The following STARD13 variants were observed in gnomAD, a reference collection of about 807,000 sequenced individuals.
The protein encoded by STARD13 is StAR related lipid transfer domain containing 13.
Under a neutral mutation model 106.4 loss-of-function variants are expected in STARD13, and 62 were observed. The observed-to-expected ratio is 0.58, with a 90% confidence interval of 0.48 to 0.72. STARD13 has a LOEUF of 0.72. STARD13 is among the 30% of genes least tolerant of loss of function. STARD13 has a pLI of 0.00. For synonymous variants in STARD13, 565 were observed against 553.0 expected (o/e 1.02, Z -0.31); for missense variants, 1,387 against 1,424.0 (o/e 0.97, Z 0.42).
At chr13:33,646,443 A>G in the STARD13 span, among the ~76,000 whole-genome samples, 5 of 152,354 alleles carry the variant, frequency 3.3e-5, no homozygotes, top group East Asian at 9.6e-4. Flanking sequence ...GTATAGAGGA[A>G]TACAAGGACT....
At chr13:33,191,062 G>GGTACAA (rs1886224557) in intron 1 of STARD13, among the ~76,000 whole-genome samples, 1 of 152,102 alleles carries the variant, frequency 6.6e-6, no homozygotes, top group African/African-American at 2.4e-5. Flanking sequence ...CAATTTACAA[G>GGTACAA]GTATGTTTAT....
chr13:33,510,009 C>T, the STARD13 span, among the ~76,000 whole-genome samples: 2 of 152,180 alleles, frequency 1.3e-5, no homozygotes, highest in African/African-American at 4.8e-5. Context: ...AGAGTCCTTG[C>T]TCTCTTTGCC....
chr13:33,633,369 C>G, the STARD13 span, among the ~76,000 whole-genome samples: 1 of 152,180 alleles, frequency 6.6e-6, no homozygotes, highest in Non-Finnish European at 1.5e-5. Context: ...GCCTTAGTCA[C>G]AAGATTGACT....
At chr13:33,350,970 T>C (rs1251338595), upstream of STARD13, among the ~76,000 whole-genome samples, 1 of 152,070 alleles carries the variant, frequency 6.6e-6, no homozygotes, top group Non-Finnish European at 1.5e-5. Context: ...CAAAAATTTA[T>C]ATATGCCACA....
chr13:33,607,313 T>G, the STARD13 span, among the ~76,000 whole-genome samples: 5 of 151,932 alleles, frequency 3.3e-5, no homozygotes, highest in South Asian at 6.2e-4. Flanking sequence ...TTTTTTTTTT[T>G]TTGAGACAGA....
the STARD13 span, among the ~76,000 whole-genome samples, chr13:33,664,355 G>C: frequency 6.6e-6 from 1 of 152,198 alleles, no homozygotes; most frequent in African/African-American, 2.4e-5. Context: ...GTCACAGCTT[G>C]ACAGAATACA....
At chr13:33,161,538 C>T (rs1164164491) in intron 3 of STARD13, among the ~76,000 whole-genome samples, 1 of 152,086 alleles carries the variant, frequency 6.6e-6, no homozygotes, top group Admixed American at 6.6e-5. Flanking sequence ...TGGTCTCAAA[C>T]TCCTGGGCCC....
chr13:33,229,979 C>T (rs183655230), intron 1 of STARD13, among the ~76,000 whole-genome samples: 1 of 152,324 alleles, frequency 6.6e-6, no homozygotes, highest in East Asian at 1.9e-4. Flanking sequence ...CCTAGTGAAT[C>T]CCACAGCTGT....
At chr13:33,488,283 C>A in the STARD13 span, among the ~76,000 whole-genome samples, 1 of 152,306 alleles carries the variant, frequency 6.6e-6, no homozygotes, top group East Asian at 1.9e-4. Flanking sequence ...AGAGGTCTAC[C>A]ATGCCTCAGC....
chr13:33,301,558 CTTTTTTT>C, intron 1 of STARD13, among the ~76,000 whole-genome samples: 1 of 13,048 alleles, frequency 7.7e-5, no homozygotes, highest in Admixed American at 1.5e-3. Flanking sequence ...GTTTCTTTTT[CTTTTTTT>C]TTCTTTTTTT....
intron 1 of STARD13, among the ~76,000 whole-genome samples, chr13:33,224,389 G>GCTCA (rs911972894): frequency 6.3e-5 from 6 of 95,330 alleles, no homozygotes; most frequent in African/African-American, 1.6e-4. Flanking sequence ...GTAACAAATA[G>GCTCA]CTCCCAAGTC....
In STARD13 at chr13:33,304,782, T is replaced by A. The variant is rs535096413; in HGVS notation, c.124+45508A>T. ...TGTTTTACTTCTCTTTAACTCTTTA[T>A]TTTCCATCATAGTTATTTGTTTACT... On this transcript the variant is annotated intron_variant, in intron 1 of 5. Transcript: ENST00000567873. Among the ~76,000 whole-genome samples, 4 of 152,314 alleles carry A rather than the reference T, an allele frequency of 2.6e-5. No individual in the cohort carries two copies. The East Asian group carries it at 7.7e-4, about 29-fold the overall frequency.
chr13:33,152,257 T>G (rs1269117469), intron 3 of STARD13, among the ~76,000 whole-genome samples: 2 of 152,126 alleles, frequency 1.3e-5, no homozygotes, highest in Admixed American at 1.3e-4. Context: ...AACAACTAGC[T>G]GAAGATGGTG....
chr13:33,451,853 G>A, the STARD13 span, among the ~76,000 whole-genome samples: 2 of 152,122 alleles, frequency 1.3e-5, no homozygotes, highest in Non-Finnish European at 2.9e-5. Context: ...TTAATCAGCA[G>A]GAATAGGTTA....
chr13:33,168,889 C>T (rs903263792), intron 1 of STARD13, among the ~76,000 whole-genome samples: 5 of 152,190 alleles, frequency 3.3e-5, no homozygotes, highest in African/African-American at 1.2e-4. Context: ...AAAACCCTAC[C>T]GCCTAGTTCC....
At chr13:33,370,441 C>T in the STARD13 span, among the ~76,000 whole-genome samples, 4,596 of 152,116 alleles carry the variant, frequency 0.03, 229 homozygotes, top group African/African-American at 0.1. Context: ...AAGAAATACA[C>T]GTACAACACT....
At chr13:33,525,897 T>C in the STARD13 span, among the ~76,000 whole-genome samples, 1 of 152,154 alleles carries the variant, frequency 6.6e-6, no homozygotes, top group Non-Finnish European at 1.5e-5. Context: ...TCCTCAAATC[T>C]TAATTCGCCT....
At chr13:33,484,062 T>C in the STARD13 span, among the ~76,000 whole-genome samples, 8 of 152,324 alleles carry the variant, frequency 5.3e-5, no homozygotes, top group East Asian at 1.4e-3. Flanking sequence ...GAAACCACCT[T>C]TGCAGAAGTT....
intron 1 of STARD13, among the ~76,000 whole-genome samples, chr13:33,312,202 G>T (rs753521089): frequency 1.3e-5 from 2 of 152,122 alleles, no homozygotes; most frequent in Non-Finnish European, 2.9e-5. Flanking sequence ...AAAATACAAG[G>T]TTCCATATTT....
Sources: gnomAD v4.1 joint callset for allele counts (sites outside exome capture counted in the v4.1 genomes callset) on GRCh38, gnomAD v4.1.1 for gene constraint, MANE v1.5 for transcripts, NCBI Gene and HGNC (gene_info 2026-07-23, HGNC 2026-07-21) for gene names.